Variants in RUVBL2 observed in about 807,000 individuals in gnomAD.
RUVBL2 encodes the protein ruvB-like 2.
A neutral mutation model predicts 57.9 loss-of-function variants in RUVBL2; 9 were observed. The ratio of observed to expected loss-of-function variants is 0.16; its 90% CI spans 0.09 to 0.27. The LOEUF (loss-of-function observed/expected upper bound fraction) is 0.27. RUVBL2 is among the 10% of genes least tolerant of loss of function. RUVBL2 has a pLI of 1.00. For synonymous variants in RUVBL2, 278 were observed against 264.6 expected, an observed-to-expected ratio of 1.05 and a Z score of -0.49; for missense variants, 456 against 669.6, an observed-to-expected ratio of 0.68 and a Z score of 3.52.
At chr19:49,000,389 T>C (rs1383442696) in intron 2 of RUVBL2, among the ~76,000 whole-genome samples, 5 of 151,966 alleles carry the variant, frequency 3.3e-5, no homozygotes, top group Non-Finnish European at 7.4e-5. Flanking sequence ...ACCTCGTCTC[T>C]ACTAAAAATA....
In RUVBL2 at chr19:49,014,607, C is replaced by G. The variant is rs751590718; in HGVS notation, c.1121+4C>G. ...CGAAGCAGATCCTCCGCATCCGGTG[C>G]GGGCAGGACCAGGCCGTGCGCCTGA... On this transcript the variant is annotated splice_donor_region_variant and intron_variant, in intron 12 of 14. Coordinates refer to ENST00000595090, the MANE Select transcript of RUVBL2 (RefSeq NM_006666.3). 1 of 1,613,802 alleles carries G rather than the reference C, an allele frequency of 6.2e-7. No individual in the cohort carries two copies. Among genetic ancestry groups the G allele is most frequent in the South Asian group, 1.1e-5 (1 of 91,068 alleles).
chr19:48,999,300 C>T lies in RUVBL2; in HGVS notation c.13-19C>T, dbSNP rs150344181. The T allele has an allele frequency of 2.9e-3, 4,753 of 1,614,112 alleles. 8 individuals carry two copies. Among genetic ancestry groups the T allele is most frequent in the Admixed American group, 5.7e-3 (340 of 60,022 alleles). On this transcript the variant is annotated intron_variant, in intron 1 of 14. Coordinates refer to ENST00000595090, the MANE Select transcript of RUVBL2 (RefSeq NM_006666.3). ...CTGGGACCACACTAGTCCTCTGACA[C>T]ATCTTCTTGCACCCCCAGACAGCCA...
intron 2 of RUVBL2, among the ~76,000 whole-genome samples, chr19:49,000,216 T>A (rs1181111588): frequency 1.3e-5 from 2 of 152,260 alleles, no homozygotes; most frequent in Non-Finnish European, 2.9e-5. Context: ...AGGTAGTTCA[T>A]ATAAAGCATT....
At chr19:48,999,450 C>T (rs1047677122) in intron 2 of RUVBL2, 77 bp downstream of exon 2, 22 of 1,475,758 alleles carry the variant, frequency 1.5e-5, no homozygotes, top group Non-Finnish European at 2.1e-5. Context: ...ATTGAGGACC[C>T]CTAAGATGGA....
rs2039422399 is a variant in RUVBL2 at position 49,011,279 on chromosome 19, C to T, written c.970C>T (p.Leu324=). The T allele has an allele frequency of 1.9e-6, 3 of 1,613,816 alleles. No homozygotes were observed. The highest frequency in any genetic ancestry group is 1.1e-5 in the South Asian group (1 of 91,092). The change falls in exon 11 of 15, where the codon CTG becomes TTG. Residue 324 remains leucine, a synonymous_variant. Coordinates refer to ENST00000595090, the MANE Select transcript of RUVBL2 (RefSeq NM_006666.3). The surrounding 1 kb of genome is among the most constrained non-coding windows in gnomAD (Gnocchi z 4.4). ...CCTGGAGAGTGACATGGCGCCTGTC[C>T]TGATCATGGCCACCAACCGTGGCAT... ...RALESDMAPV[L]IMATNRGITR...
In RUVBL2 at chr19:49,004,350, G is replaced by C. The variant is rs1306411846; in HGVS notation, c.197G>C (p.Gly66Ala). ...AGVVLEMIRE[G>A]KIAGRAVLIA... The stretch of plus-strand genomic sequence containing the variant: ...GTGGTGCTGGAGATGATCCGGGAAG[G>C]GAAGATTGCCGGTCGGGCAGTCCTT... Residue 66 changes from glycine to alanine, a missense_variant, in exon 4 of 15, where the codon GGG (glycine) becomes GCG (alanine). By Grantham distance (60) the Gly-to-Ala change is moderately conservative. Transcript: ENST00000595090. The C allele has an allele frequency of 1.2e-6, 2 of 1,613,076 alleles. No individual in the cohort carries two copies. The highest frequency in any genetic ancestry group is 1.7e-6 in the Non-Finnish European group (2 of 1,179,932).
intron 8 of RUVBL2, 52 bp downstream of exon 8, chr19:49,010,118 A>G (rs189409576): frequency 6.1e-6 from 9 of 1,481,034 alleles, no homozygotes; most frequent in African/African-American, 2.8e-5. Context: ...GGGTGTTTTC[A>G]TCTCCTCCAT....
chr19:49,011,161 G>T lies in RUVBL2; in HGVS notation c.883-31G>T, dbSNP rs774919878. ...GTGGGCCGGGGAAGTGGGGACGCGGGTGGTGACTCTCACACACACCCCAAT... is the reference window on the plus strand; with the variant it reads ...GTGGGCCGGGGAAGTGGGGACGCGGTTGGTGACTCTCACACACACCCCAAT... On this transcript the variant is annotated intron_variant, in intron 10 of 14. Transcript: ENST00000595090. This position sits in a 1 kb window ranked among gnomAD's most constrained non-coding sequence, Gnocchi z 4.4. The T allele has an allele frequency of 1.2e-6, 2 of 1,611,920 alleles. No individual in the cohort carries two copies. Among genetic ancestry groups the T allele is most frequent in the Non-Finnish European group, 1.7e-6 (2 of 1,178,610 alleles).
chr19:49,010,947 C>A, intron 9 of RUVBL2, 52 bp from the exon 10 acceptor site: 1 of 1,517,502 alleles, frequency 6.6e-7, no homozygotes, highest in South Asian at 1.2e-5. Context: ...CACTCTGGCC[C>A]TGGAACCCGC....
At chr19:49,009,359 C>CAT (rs2039356558) in intron 6 of RUVBL2, among the ~76,000 whole-genome samples, 3 of 150,458 alleles carry the variant, frequency 2.0e-5, no homozygotes, top group Non-Finnish European at 4.4e-5. Flanking sequence ...TGGTGGCGGG[C>CAT]GCCTGTAGTC....
intron 2 of RUVBL2, 137 bp from the exon 3 acceptor site, chr19:49,003,142 C>A (rs914002317): frequency 2.6e-6 from 2 of 764,016 alleles, no homozygotes; most frequent in Admixed American, 2.0e-5. Flanking sequence ...TTCCATGTGC[C>A]CCTTCATTCC....
In RUVBL2 at chr19:49,011,316, C is replaced by G; in HGVS notation, c.1001+6C>G. 1 of 1,609,998 alleles carries G rather than the reference C, an allele frequency of 6.2e-7. No homozygotes were observed. Among genetic ancestry groups the G allele is most frequent in the Non-Finnish European group, 8.5e-7 (1 of 1,176,746 alleles). ...ACCAACCGTGGCATCACGCGGTGAG[C>G]CGGCTACAGGGGCCTCTGGGGAAAA... is the stretch of plus-strand genomic sequence containing the variant. On this transcript the variant is annotated splice_donor_region_variant and intron_variant, in intron 11 of 14. Transcript: ENST00000595090. The surrounding 1 kb of genome is among the most constrained non-coding windows in gnomAD (Gnocchi z 4.4).
intron 8 of RUVBL2, 55 bp from the exon 9 acceptor site, chr19:49,010,433 T>A: frequency 1.2e-6 from 2 of 1,600,240 alleles, no homozygotes; most frequent in Non-Finnish European, 1.7e-6. Flanking sequence ...AGGGGCCCCC[T>A]TCATGCCCTT....
intron 1 of RUVBL2, chr19:48,995,062 T>A (rs1017102926): frequency 6.6e-6 from 1 of 152,162 alleles, no homozygotes; most frequent in African/African-American, 2.4e-5. Flanking sequence ...TTTGAGTCTG[T>A]TGCTGTCACC....
upstream of RUVBL2, chr19:48,993,652 A>C: frequency 1.7e-6 from 1 of 590,226 alleles, no homozygotes; most frequent in Non-Finnish European, 3.0e-6. Flanking sequence ...AATCGGCCTG[A>C]GCGGGGCGGT....
At chr19:49,013,846 G>A (rs1011710133) in intron 11 of RUVBL2, among the ~76,000 whole-genome samples, 1 of 152,196 alleles carries the variant, frequency 6.6e-6, no homozygotes, top group Non-Finnish European at 1.5e-5. Context: ...CCCGGGAGGC[G>A]GAGGTTGCAG....
intron 6 of RUVBL2, among the ~76,000 whole-genome samples, chr19:49,009,160 CAAAAAAAAAAAAAAAAAAAAAA>C (rs61402282): frequency 1.9e-4 from 4 of 21,426 alleles, no homozygotes; most frequent in Admixed American, 9.0e-4. Context: ...GACTCTATCT[CAAAAAAAAAAAAAAAAAAAAAA>C]AAAAAAAAAA....
chr19:48,996,804 GGCGTGA>G (rs1231075704), intron 1 of RUVBL2, among the ~76,000 whole-genome samples: 1 of 152,094 alleles, frequency 6.6e-6, no homozygotes, highest in African/African-American at 2.4e-5. Context: ...TGGGATTACG[GGCGTGA>G]GCCACCGTGC....
chr19:49,007,265 G>A (rs2039300660), intron 5 of RUVBL2, 37 bp from the exon 6 acceptor site: 1 of 1,610,094 alleles, frequency 6.2e-7, no homozygotes. Context: ...GAGGGTCCAG[G>A]TGTCAGGCTG....
Sources: allele counts gnomAD v4.1 joint callset (sites outside exome capture counted in the v4.1 genomes callset), GRCh38; gene constraint gnomAD v4.1.1; non-coding constraint Gnocchi (gnomAD v3.1); transcripts MANE v1.5; gene names NCBI Gene and HGNC (gene_info 2026-07-23, HGNC 2026-07-21).